RANBP2: variants seen among roughly 807,000 people sequenced by gnomAD.
RANBP2 encodes E3 SUMO-protein ligase RanBP2.
RANBP2 carries 57 observed loss-of-function variants against 303.6 expected under a neutral mutation model. The ratio of observed to expected loss-of-function variants is 0.19; its 90% CI spans 0.15 to 0.23. RANBP2 has a LOEUF of 0.23. Among genes scored for constraint, RANBP2 ranks in the 10% least tolerant of loss-of-function variants. RANBP2 has a pLI of 1.00. For synonymous variants in RANBP2, 1,167 were observed against 1,301.5 expected, an observed-to-expected ratio of 0.90 and a Z score of 2.23; for missense variants, 3,138 against 3,780.8, an observed-to-expected ratio of 0.83 and a Z score of 4.46.
the RANBP2 span, among the ~76,000 whole-genome samples, chr2:109,674,410 CAAAAAAAAAAAAAAA>C: frequency 2.7e-5 from 2 of 75,302 alleles, no homozygotes; most frequent in South Asian, 1.2e-3. Flanking sequence ...CTTGTGTCTC[CAAAAAAAAAAAAAAA>C]AAAAAAAAAT....
chr2:108,996,037 A>G, the RANBP2 span, among the ~76,000 whole-genome samples: 1 of 152,238 alleles, frequency 6.6e-6, no homozygotes, highest in Non-Finnish European at 1.5e-5. Flanking sequence ...GGTTTAAGAA[A>G]GTCTGCTTTA....
At chr2:108,994,277 G>A in the RANBP2 span, among the ~76,000 whole-genome samples, 3 of 152,288 alleles carry the variant, frequency 2.0e-5, no homozygotes, top group East Asian at 3.9e-4. Flanking sequence ...CAGGAGCTTC[G>A]TGCAGGGCAA....
At chr2:108,897,217 G>A in the RANBP2 span, 183 of 1,613,710 alleles carry the variant, frequency 1.1e-4, no homozygotes, top group African/African-American at 2.0e-3. Flanking sequence ...TGGCAGCTCC[G>A]TGGGGCTAAG....
chr2:109,202,509 G>A, the RANBP2 span, among the ~76,000 whole-genome samples: 27 of 152,328 alleles, frequency 1.8e-4, no homozygotes, highest in Middle Eastern at 3.4e-3. Context: ...TCACATGTCT[G>A]GGTAGCTGGT....
chr2:109,357,874 C>A, the RANBP2 span, among the ~76,000 whole-genome samples: 1 of 152,232 alleles, frequency 6.6e-6, no homozygotes, highest in Non-Finnish European at 1.5e-5. Context: ...CAACATCACT[C>A]ACCAGAGTTA....
At chr2:108,826,468 C>T in the RANBP2 span, among the ~76,000 whole-genome samples, 2 of 151,944 alleles carry the variant, frequency 1.3e-5, no homozygotes, top group African/African-American at 2.4e-5. Flanking sequence ...CATTTTTTAC[C>T]TGTAGATACC....
Position 108,740,473 on chromosome 2 carries a change from T to C in RANBP2, c.783-16T>C, listed in dbSNP as rs745749236. 2 of 1,597,564 alleles carry C rather than the reference T, an allele frequency of 1.3e-6. No homozygotes were observed. Among genetic ancestry groups the C allele is most frequent in the Non-Finnish European group, 1.7e-6 (2 of 1,179,754 alleles). On this transcript the variant is annotated splice_polypyrimidine_tract_variant and intron_variant, in intron 6 of 28. Coordinates refer to ENST00000283195, the MANE Select transcript of RANBP2 (RefSeq NM_006267.5). ...CAGTAAGTGTGTATTATCTGTTTGA[T>C]ATTTTCATATTACAGTTTTGATAGT...
chr2:109,201,164 C>T, the RANBP2 span, among the ~76,000 whole-genome samples: 1 of 152,208 alleles, frequency 6.6e-6, no homozygotes, highest in African/African-American at 2.4e-5. Context: ...TTCCTTCCGG[C>T]GGCCTCTGCA....
At chr2:109,354,260 C>T in the RANBP2 span, among the ~76,000 whole-genome samples, 1 of 152,188 alleles carries the variant, frequency 6.6e-6, no homozygotes, top group South Asian at 2.1e-4. Flanking sequence ...CAGGCTGGGT[C>T]ACTGCGGTGG....
At chr2:109,651,724 G>A in the RANBP2 span, among the ~76,000 whole-genome samples, 2 of 152,204 alleles carry the variant, frequency 1.3e-5, no homozygotes, top group Non-Finnish European at 2.9e-5. Context: ...ATGACAAGGA[G>A]GCCTGGGAAG....
chr2:109,019,960 G>A, the RANBP2 span, among the ~76,000 whole-genome samples: 1 of 152,196 alleles, frequency 6.6e-6, no homozygotes, highest in African/African-American at 2.4e-5. Context: ...AGCTCTCCGT[G>A]AGCAGAGTTA....
At chr2:108,863,508 G>A in the RANBP2 span, among the ~76,000 whole-genome samples, 1 of 152,190 alleles carries the variant, frequency 6.6e-6, no homozygotes, top group South Asian at 2.1e-4. Context: ...GAAACAAGCT[G>A]GGGTGCTCAT....
the RANBP2 span, among the ~76,000 whole-genome samples, chr2:109,492,040 A>G: frequency 3.9e-5 from 6 of 152,260 alleles, no homozygotes; most frequent in East Asian, 1.2e-3. Context: ...GCCAGATGGT[A>G]AACACTGCAG....
chr2:108,906,828 C>A, the RANBP2 span, among the ~76,000 whole-genome samples: 1 of 152,262 alleles, frequency 6.6e-6, no homozygotes. Context: ...TCCCTTGTAA[C>A]AACCCCACAG....
the RANBP2 span, among the ~76,000 whole-genome samples, chr2:109,602,901 C>CA: frequency 0.22 from 24,338 of 110,276 alleles, 2,537 homozygotes; most frequent in South Asian, 0.28. Context: ...GACCCTGTCT[C>CA]AAAAAAAAAA....
the RANBP2 span, among the ~76,000 whole-genome samples, chr2:109,252,136 C>T: frequency 2.6e-3 from 394 of 152,040 alleles, no homozygotes; most frequent in Non-Finnish European, 4.9e-3. Context: ...CTCAGCTACT[C>T]AGGAGGCTGA....
At chr2:108,739,836 A>G (rs1448220025) in intron 6 of RANBP2, among the ~76,000 whole-genome samples, 2 of 152,116 alleles carry the variant, frequency 1.3e-5, no homozygotes, top group East Asian at 1.9e-4. Flanking sequence ...ATATAAAAAA[A>G]GTTTAGCGGG....
At chr2:109,045,168 T>C in the RANBP2 span, among the ~76,000 whole-genome samples, 2 of 152,232 alleles carry the variant, frequency 1.3e-5, no homozygotes, top group South Asian at 4.2e-4. Flanking sequence ...CATTGATACC[T>C]GCCTGGAAAG....
the RANBP2 span, among the ~76,000 whole-genome samples, chr2:109,595,997 T>C: frequency 6.6e-6 from 1 of 152,220 alleles, no homozygotes; most frequent in African/African-American, 2.4e-5. Context: ...TGAGGCTATA[T>C]TATTTTGACT....
Sources: gnomAD v4.1 joint callset for allele counts (sites outside exome capture counted in the v4.1 genomes callset) on GRCh38, gnomAD v4.1.1 for gene constraint, MANE v1.5 for transcripts, NCBI Gene and HGNC (gene_info 2026-07-23, HGNC 2026-07-21) for gene names.